Variants in PCMTD1 observed in about 807,000 individuals in gnomAD.
The protein encoded by PCMTD1 is protein-L-isoaspartate (D-aspartate) O-methyltransferase domain containing 1.
A neutral mutation model predicts 37.6 loss-of-function variants in PCMTD1; 12 were observed. That is an observed-to-expected ratio of 0.32 (90% CI 0.20 to 0.52). PCMTD1 has a LOEUF of 0.52. Among genes scored for constraint, PCMTD1 ranks in the 20% least tolerant of loss-of-function variants. PCMTD1 has a pLI of 0.97. For missense variants in PCMTD1, 235 were observed against 421.3 expected (o/e 0.56, Z 3.87); for synonymous variants, 117 against 135.8 (o/e 0.86, Z 0.96).
At chr8:51,826,065 GTA>G (rs1373362091) in intron 5 of PCMTD1, among the ~76,000 whole-genome samples, 1 of 152,156 alleles carries the variant, frequency 6.6e-6, no homozygotes, top group Non-Finnish European at 1.5e-5. Flanking sequence ...ACATGCACAT[GTA>G]TGTTTACTGC....
At chr8:51,898,538 G>C (rs984114933) in intron 1 of PCMTD1, among the ~76,000 whole-genome samples, 1 of 152,022 alleles carries the variant, frequency 6.6e-6, no homozygotes, top group African/African-American at 2.4e-5. Flanking sequence ...ATCTCAAGAC[G>C]CCAGCCTCGG....
chr8:51,835,276 C>A (rs1171517093), intron 3 of PCMTD1, among the ~76,000 whole-genome samples: 9 of 152,210 alleles, frequency 5.9e-5, no homozygotes, highest in African/African-American at 2.2e-4. Context: ...GATATCCCTT[C>A]AAGATATAGT....
intron 1 of PCMTD1, among the ~76,000 whole-genome samples, chr8:51,898,395 G>A (rs2039040651): frequency 1.3e-5 from 2 of 152,088 alleles, no homozygotes; most frequent in African/African-American, 4.8e-5. Context: ...AGGCCTTGGC[G>A]CCTGCTATAA....
chr8:51,883,440 A>T (rs1239202494), intron 1 of PCMTD1, among the ~76,000 whole-genome samples: 3 of 152,196 alleles, frequency 2.0e-5, no homozygotes, highest in Non-Finnish European at 4.4e-5. Flanking sequence ...TATATAGATA[A>T]TAATAGAGGG....
Position 51,819,093 on chromosome 8 carries a change from T to C in PCMTD1, c.*1258A>G, listed in dbSNP as rs201646693. ...GCAGTTACTACCTGTTTTTTATCAC[T>C]GATAAGCTAAAATAAAGCTCAAATA... On this transcript the variant is annotated 3_prime_UTR_variant, in exon 6 of 6. Transcript: ENST00000522514. 1 of 152,144 alleles carries C rather than the reference T, an allele frequency of 6.6e-6. No homozygotes were observed. The highest frequency in any genetic ancestry group is 1.5e-5 in the Non-Finnish European group (1 of 68,032). 9.4% of individuals were successfully genotyped at this position (152,144 alleles called of 1,614,324 possible). A position where few individuals can be genotyped will look rare whatever the true frequency, so the allele number is the denominator to read the frequency against.
intron 5 of PCMTD1, among the ~76,000 whole-genome samples, chr8:51,826,312 C>T (rs13272467): frequency 0.69 from 104,439 of 152,044 alleles, 42,347 homozygotes; most frequent in Non-Finnish European, 0.9. Context: ...GGGAGTTGAA[C>T]AATGAGAACA....
chr8:51,878,730 T>C (rs774348816), intron 1 of PCMTD1, among the ~76,000 whole-genome samples: 14 of 152,090 alleles, frequency 9.2e-5, no homozygotes, highest in Non-Finnish European at 1.6e-4. Context: ...GCCTGGATGA[T>C]AGAGTGAAAC....
chr8:51,834,855 G>A (rs79196243), intron 3 of PCMTD1, among the ~76,000 whole-genome samples: 3 of 152,022 alleles, frequency 2.0e-5, no homozygotes, highest in Non-Finnish European at 4.4e-5. Context: ...TGTTGGAAGG[G>A]TATAAAAGGT....
intron 3 of PCMTD1, chr8:51,839,510 T>C: frequency 3.0e-6 from 3 of 985,440 alleles, no homozygotes; most frequent in Non-Finnish European, 3.6e-6. Flanking sequence ...GGACAGATGA[T>C]TTCGTTCACA....
At chr8:51,839,252 A>T (rs539991395) in intron 3 of PCMTD1, among the ~76,000 whole-genome samples, 20 of 152,320 alleles carry the variant, frequency 1.3e-4, no homozygotes, top group African/African-American at 4.8e-4. Flanking sequence ...TAAGCTTATA[A>T]TCATTTATTG....
intron 3 of PCMTD1, among the ~76,000 whole-genome samples, chr8:51,840,786 C>A (rs1490757952): frequency 6.6e-6 from 1 of 152,054 alleles, no homozygotes; most frequent in Non-Finnish European, 1.5e-5. Context: ...AAAACTTATA[C>A]CTCAACCAAA....
chr8:51,880,208 GA>G (rs71237258), intron 1 of PCMTD1, among the ~76,000 whole-genome samples: 103,166 of 148,190 alleles, frequency 0.7, 41,790 homozygotes, highest in Non-Finnish European at 0.9. Context: ...TCCTTTTAAT[GA>G]AAAAAAAAAG....
intron 4 of PCMTD1, 49 bp from the exon 5 acceptor site, chr8:51,831,616 T>C (rs1418409183): frequency 6.4e-7 from 1 of 1,566,890 alleles, no homozygotes. Context: ...ATCCCAACAA[T>C]GTGGTCACCT....
At chr8:51,896,621 G>GCAT (rs1435359300) in intron 1 of PCMTD1, among the ~76,000 whole-genome samples, 15 of 152,098 alleles carry the variant, frequency 9.9e-5, no homozygotes, top group Admixed American at 9.8e-4. Context: ...TTGGTTAACA[G>GCAT]CATAAGATCA....
intron 1 of PCMTD1, among the ~76,000 whole-genome samples, chr8:51,867,663 C>T (rs902505895): frequency 6.6e-6 from 1 of 151,766 alleles, no homozygotes; most frequent in African/African-American, 2.4e-5. Flanking sequence ...CATGTATGAA[C>T]CTGTAAGACA....
intron 1 of PCMTD1, among the ~76,000 whole-genome samples, chr8:51,872,865 C>T (rs978199954): frequency 2.0e-5 from 3 of 152,278 alleles, no homozygotes; most frequent in Admixed American, 2.0e-4. Flanking sequence ...CCTTGTCACA[C>T]TATATGATTT....
intron 1 of PCMTD1, among the ~76,000 whole-genome samples, chr8:51,888,774 AG>A (rs1296728605): frequency 2.6e-5 from 4 of 152,238 alleles, no homozygotes; most frequent in African/African-American, 9.6e-5. Context: ...AAGTAATGAA[AG>A]TCTTTATATA....
intron 1 of PCMTD1, among the ~76,000 whole-genome samples, chr8:51,878,242 T>TG: frequency 1.3e-5 from 1 of 78,104 alleles, no homozygotes; most frequent in East Asian, 3.3e-4. Context: ...TATGAGATTT[T>TG]TTTTTTGGTT....
intron 1 of PCMTD1, among the ~76,000 whole-genome samples, chr8:51,886,823 C>A (rs116603199): frequency 1.8e-4 from 28 of 152,286 alleles, no homozygotes; most frequent in African/African-American, 6.5e-4. Flanking sequence ...TCTGATAGTT[C>A]TGGAGGTCAG....
Sources: allele counts gnomAD v4.1 joint callset (sites outside exome capture counted in the v4.1 genomes callset), GRCh38; gene constraint gnomAD v4.1.1; transcripts MANE v1.5; gene names NCBI Gene and HGNC (gene_info 2026-07-23, HGNC 2026-07-21).